ESR1: variants seen among roughly 807,000 people sequenced by gnomAD.
ESR1 encodes estrogen receptor 1, also known as estrogen receptor.
ESR1 carries 12 observed loss-of-function variants against 52.7 expected under a neutral mutation model. The observed-to-expected ratio is 0.23, with a 90% CI of 0.15 to 0.37. The LOEUF (loss-of-function observed/expected upper bound fraction) is 0.37. Among genes scored for constraint, ESR1 ranks in the 10% least tolerant of loss-of-function variants. ESR1 has a pLI of 1.00. For synonymous variants in ESR1, 305 were observed against 316.8 expected (o/e 0.96, Z 0.39); for missense variants, 584 against 779.7 (o/e 0.75, Z 2.99).
At chr6:151,842,905 T>G (rs1223470764) in intron 2 of ESR1, 118 bp downstream of exon 2, 2 of 793,128 alleles carry the variant, frequency 2.5e-6, no homozygotes, top group Middle Eastern at 3.3e-4. Context: ...GAATCCCTAG[T>G]AGGTCCACTA....
At chr6:151,880,181 G>GTTTTTTTTTT (rs71017515) in intron 2 of ESR1, among the ~76,000 whole-genome samples, 8 of 116,356 alleles carry the variant, frequency 6.9e-5, no homozygotes, top group Non-Finnish European at 1.0e-4. Context: ...TTTTTGTTCT[G>GTTTTTTTTTT]TTTTTTTTTT....
At chr6:151,926,224 CT>C (rs1562555965) in intron 3 of ESR1, among the ~76,000 whole-genome samples, 1 of 152,102 alleles carries the variant, frequency 6.6e-6, no homozygotes, top group Non-Finnish European at 1.5e-5. Flanking sequence ...ACCATACTGC[CT>C]TTATTACTGT....
At chr6:151,948,642 G>A (rs1259329818) in intron 4 of ESR1, among the ~76,000 whole-genome samples, 1 of 152,070 alleles carries the variant, frequency 6.6e-6, no homozygotes, top group Non-Finnish European at 1.5e-5. Flanking sequence ...CACTCTAGAA[G>A]GCCCCTCTTC....
intron 6 of ESR1, among the ~76,000 whole-genome samples, chr6:152,073,245 G>A (rs1167896314): frequency 6.6e-6 from 1 of 152,298 alleles, no homozygotes; most frequent in East Asian, 1.9e-4. Flanking sequence ...TTTCTTTGGA[G>A]TATCCGTTCA....
intron 1 of ESR1, among the ~76,000 whole-genome samples, chr6:151,826,156 C>A (rs536676440): frequency 6.6e-6 from 1 of 152,180 alleles, no homozygotes; most frequent in South Asian, 2.1e-4. Flanking sequence ...CCTTGCTTCG[C>A]ATAGCATGCT....
chr6:152,084,502 G>T (rs2049526470), intron 6 of ESR1, among the ~76,000 whole-genome samples: 1 of 152,102 alleles, frequency 6.6e-6, no homozygotes, highest in Non-Finnish European at 1.5e-5. Flanking sequence ...TCAGCCATGT[G>T]GAACTGTAAG....
chr6:152,093,523 A>G (rs1251701266), intron 6 of ESR1, among the ~76,000 whole-genome samples: 1 of 152,076 alleles, frequency 6.6e-6, no homozygotes, highest in Admixed American at 6.6e-5. Context: ...TCACAACCTC[A>G]TATACAATCT....
chr6:151,808,349 CG>C lies in ESR1; in HGVS notation c.438del (p.Pro147ArgfsTer104). ...PSGYTVREAG[P>X]PAFYRPNSDN... ...GGCTACACGGTGCGCGAGGCCGGCC[CG>C]CCGGCATTCTACAGGTACCCGCGCC... On this transcript the variant is annotated frameshift_variant, in exon 1 of 8. Transcript: ENST00000206249. LOFTEE classifies it high-confidence loss of function. 1 of 1,511,858 alleles carries C rather than the reference CG, an allele frequency of 6.6e-7. No homozygotes were observed. 93.7% of individuals were successfully genotyped at this position (1,511,858 alleles called of 1,614,324 possible).
intron 6 of ESR1, among the ~76,000 whole-genome samples, chr6:152,085,312 AAAAAC>A (rs143487490): frequency 0.086 from 12,986 of 151,768 alleles, 1,162 homozygotes; most frequent in African/African-American, 0.23. Context: ...CTCTTTCTAA[AAAAAC>A]AAAACAAAAC....
At chr6:152,067,903 C>T (rs2048092570) in intron 6 of ESR1, among the ~76,000 whole-genome samples, 1 of 152,174 alleles carries the variant, frequency 6.6e-6, no homozygotes, top group African/African-American at 2.4e-5. Context: ...CTTAGTATGC[C>T]AATGTTGCTT....
At chr6:152,121,125 GA>G (rs2051319642) in intron 6 of ESR1, among the ~76,000 whole-genome samples, 2 of 152,268 alleles carry the variant, frequency 1.3e-5, no homozygotes, top group South Asian at 4.1e-4. Flanking sequence ...ATGTGCCCCA[GA>G]ATTATTAAAT....
intron 5 of ESR1, among the ~76,000 whole-genome samples, chr6:152,040,239 G>A (rs761114813): frequency 3.3e-5 from 5 of 152,166 alleles, no homozygotes; most frequent in Non-Finnish European, 7.3e-5. Flanking sequence ...CCATGTTGCT[G>A]AGCCCGTGCG....
chr6:151,940,211 T>C (rs1407462498), intron 3 of ESR1, among the ~76,000 whole-genome samples: 1 of 152,092 alleles, frequency 6.6e-6, no homozygotes, highest in East Asian at 1.9e-4. Flanking sequence ...ATGAGACTTA[T>C]TTACTATCAT....
chr6:151,704,953 C>G lies in ESR1; in HGVS notation c.-71+2948C>G, dbSNP rs562396900. Among the ~76,000 whole-genome samples, 176 of 149,838 alleles carry G rather than the reference C, an allele frequency of 1.2e-3. 2 individuals carry two copies. Among genetic ancestry groups the G allele is most frequent in the South Asian group, 7.3e-3 (34 of 4,670 alleles). On this transcript the variant is annotated intron_variant, in intron 2 of 2. Transcript: ENST00000404742. ...AGGGCTTAGATCCTGAAGTTTCCTTCAGAAACTTCAGGATCTAAGCCCTCT... is the reference window on the plus strand; with the variant it reads ...AGGGCTTAGATCCTGAAGTTTCCTTGAGAAACTTCAGGATCTAAGCCCTCT...
chr6:151,880,791 G>A lies in ESR1; in HGVS notation c.760+20G>A, dbSNP rs1792766039. 2 of 1,331,622 alleles carry A rather than the reference G, an allele frequency of 1.5e-6. No individual in the cohort carries two copies. The highest frequency in any genetic ancestry group is 1.2e-5 in the South Asian group (1 of 85,426). 82.5% of individuals were successfully genotyped at this position (1,331,622 alleles called of 1,614,324 possible). On this transcript the variant is annotated intron_variant, in intron 3 of 7. Coordinates refer to ENST00000206249, the MANE Select transcript of ESR1 (RefSeq NM_000125.4). ...AAGGTGGTAGGTACATCTCTCCCAG[G>A]GGCCCTTGGGGATGGCCCTGGCCAC...
chr6:151,864,451 A>C (rs1383444260), intron 2 of ESR1, among the ~76,000 whole-genome samples: 1 of 152,148 alleles, frequency 6.6e-6, no homozygotes, highest in African/African-American at 2.4e-5. Flanking sequence ...GGTGCTGGAG[A>C]GGATGTGGAG....
At chr6:151,958,157 T>A (rs75385808) in intron 4 of ESR1, among the ~76,000 whole-genome samples, 1,758 of 152,346 alleles carry the variant, frequency 0.012, 23 homozygotes, top group African/African-American at 0.041. Flanking sequence ...GGTGGGCAAA[T>A]AGCAGTCCAT....
At chr6:151,849,050 T>A (rs984011749) in intron 2 of ESR1, among the ~76,000 whole-genome samples, 3 of 152,082 alleles carry the variant, frequency 2.0e-5, no homozygotes, top group African/African-American at 7.2e-5. Flanking sequence ...AATACCCAGA[T>A]CTTTACTTGG....
chr6:152,081,104 T>A (rs573306568), intron 6 of ESR1, among the ~76,000 whole-genome samples: 4 of 152,202 alleles, frequency 2.6e-5, no homozygotes, highest in Non-Finnish European at 5.9e-5. Flanking sequence ...GGACTTGAAC[T>A]CAGCTCTAGA....
Sources: allele counts gnomAD v4.1 joint callset (sites outside exome capture counted in the v4.1 genomes callset), GRCh38; gene constraint gnomAD v4.1.1; transcripts MANE v1.5; gene names NCBI Gene and HGNC (gene_info 2026-07-23, HGNC 2026-07-21).